PRELID2: variants seen among roughly 807,000 people sequenced by gnomAD.
PRELID2 encodes the protein PRELI domain-containing protein 2.
In PRELID2, 25 loss-of-function variants were observed where a neutral mutation model predicts 28.4. The ratio of observed to expected loss-of-function variants is 0.88; its 90% CI spans 0.64 to 1.23. The LOEUF is 1.23. Ranked by LOEUF, PRELID2 falls within the 50% of genes most tolerant of loss-of-function variation. The pLI, the probability that PRELID2 is intolerant of heterozygous loss-of-function variation, is 0.00. For missense variants in PRELID2, 201 were observed against 214.4 expected (o/e 0.94, Z 0.39); for synonymous variants, 76 against 71.6 (o/e 1.06, Z -0.31).
chr5:145,402,747 T>C, the PRELID2 span, among the ~76,000 whole-genome samples: 17 of 152,172 alleles, frequency 1.1e-4, no homozygotes, highest in African/African-American at 4.1e-4. Flanking sequence ...CATATGTGAG[T>C]TGACACTGAA....
intron 1 of PRELID2, among the ~76,000 whole-genome samples, chr5:145,637,491 A>G (rs1754019346): frequency 1.3e-5 from 2 of 152,130 alleles, no homozygotes; most frequent in Admixed American, 1.3e-4. Context: ...GGTCTTGCCC[A>G]GAATTGGGAC....
At chr5:145,731,161 T>C (rs762751353) in intron 1 of PRELID2, among the ~76,000 whole-genome samples, 1 of 152,262 alleles carries the variant, frequency 6.6e-6, no homozygotes, top group Non-Finnish European at 1.5e-5. Flanking sequence ...TGTGTACTAA[T>C]GTTTAAAGCA....
chr5:145,715,098 T>TA (rs1211125907), intron 1 of PRELID2, among the ~76,000 whole-genome samples: 1 of 152,178 alleles, frequency 6.6e-6, no homozygotes, highest in Admixed American at 6.5e-5. Context: ...TCCACACTCA[T>TA]ACAATCAACC....
intron 1 of PRELID2, among the ~76,000 whole-genome samples, chr5:145,593,814 A>G (rs1164785942): frequency 6.6e-6 from 1 of 152,194 alleles, no homozygotes; most frequent in Non-Finnish European, 1.5e-5. Flanking sequence ...ATTGATTAAG[A>G]GAGACTCAAG....
intron 5 of PRELID2, among the ~76,000 whole-genome samples, chr5:145,793,191 C>G (rs1341549627): frequency 6.6e-6 from 1 of 152,130 alleles, no homozygotes; most frequent in Non-Finnish European, 1.5e-5. Context: ...GAGAAAAAAG[C>G]AATTGAGCCA....
chr5:145,585,487 G>A (rs1019711366), intron 1 of PRELID2, among the ~76,000 whole-genome samples: 200 of 152,140 alleles, frequency 1.3e-3, no homozygotes, highest in African/African-American at 4.5e-3. Flanking sequence ...ATAATTAATA[G>A]TTAATTTTAT....
At chr5:145,626,773 T>C (rs11954698) in intron 1 of PRELID2, among the ~76,000 whole-genome samples, 5,327 of 152,160 alleles carry the variant, frequency 0.035, 278 homozygotes, top group African/African-American at 0.12. Flanking sequence ...GGAATCAACC[T>C]AAGTATCCAT....
At chr5:145,743,714 G>A (rs1371594297) in intron 1 of PRELID2, among the ~76,000 whole-genome samples, 1 of 152,276 alleles carries the variant, frequency 6.6e-6, no homozygotes, top group East Asian at 1.9e-4. Flanking sequence ...GCGAAACCAC[G>A]CTACAGAGGG....
intron 1 of PRELID2, among the ~76,000 whole-genome samples, chr5:145,656,330 G>T (rs1754393183): frequency 6.6e-6 from 1 of 152,144 alleles, no homozygotes; most frequent in South Asian, 2.1e-4. Flanking sequence ...CAATCACTGT[G>T]GAAGACAGTG....
At chr5:145,532,234 A>C (rs539879238) in intron 1 of PRELID2, among the ~76,000 whole-genome samples, 1 of 152,196 alleles carries the variant, frequency 6.6e-6, no homozygotes, top group African/African-American at 2.4e-5. Context: ...CTTCTTCATC[A>C]CCAAATAGAG....
intron 1 of PRELID2, among the ~76,000 whole-genome samples, chr5:145,634,175 C>T (rs1027496674): frequency 1.1e-4 from 16 of 152,204 alleles, no homozygotes; most frequent in African/African-American, 3.9e-4. Flanking sequence ...CTGCAATAGT[C>T]TCAAAGTTAG....
chr5:145,625,697 C>A (rs1049679349), intron 1 of PRELID2, among the ~76,000 whole-genome samples: 60 of 152,166 alleles, frequency 3.9e-4, no homozygotes, highest in African/African-American at 1.4e-3. Context: ...AAGGAAGAAC[C>A]AAATAGCACT....
chr5:145,383,251 A>T, the PRELID2 span, among the ~76,000 whole-genome samples: 2 of 151,714 alleles, frequency 1.3e-5, no homozygotes, highest in Admixed American at 6.6e-5. Context: ...AAATAACTAT[A>T]TATGCATTCA....
intron 1 of PRELID2, among the ~76,000 whole-genome samples, chr5:145,612,545 T>G (rs1040391418): frequency 2.0e-5 from 3 of 152,160 alleles, no homozygotes; most frequent in Admixed American, 6.5e-5. Flanking sequence ...TTTTGAGATT[T>G]TGGTGCACCC....
chr5:145,460,697 G>A, the PRELID2 span, among the ~76,000 whole-genome samples: 21 of 152,078 alleles, frequency 1.4e-4, no homozygotes, highest in Non-Finnish European at 2.5e-4. Context: ...AGAAAACTAA[G>A]GTCACAGGAA....
intron 4 of PRELID2, 150 bp from the exon 5 acceptor site, chr5:145,796,697 G>T: frequency 2.3e-6 from 1 of 434,338 alleles, no homozygotes; most frequent in Non-Finnish European, 4.0e-6. Flanking sequence ...AGAAGATTTT[G>T]TTAAAAGTAA....
chr5:145,325,034 T>C, the PRELID2 span, among the ~76,000 whole-genome samples: 1 of 152,212 alleles, frequency 6.6e-6, no homozygotes, highest in Non-Finnish European at 1.5e-5. Context: ...CCAGAATAAT[T>C]TCTGTAATCA....
At chr5:145,670,478 T>C (rs1178994630) in intron 1 of PRELID2, among the ~76,000 whole-genome samples, 1 of 152,150 alleles carries the variant, frequency 6.6e-6, no homozygotes. Flanking sequence ...ATATCACCCA[T>C]GAAGGCAGGG....
intron 2 of PRELID2, among the ~76,000 whole-genome samples, chr5:145,821,020 G>A (rs1459559737): frequency 6.6e-6 from 1 of 152,072 alleles, no homozygotes; most frequent in Non-Finnish European, 1.5e-5. Flanking sequence ...GGAAGCTGCT[G>A]ATCATCAGTT....
Sources: gnomAD v4.1 joint callset for allele counts (sites outside exome capture counted in the v4.1 genomes callset) on GRCh38, gnomAD v4.1.1 for gene constraint, MANE v1.5 for transcripts, NCBI Gene and HGNC (gene_info 2026-07-23, HGNC 2026-07-21) for gene names.